Variants in PTPRT observed in about 807,000 individuals in gnomAD.
PTPRT encodes the protein receptor-type tyrosine-protein phosphatase T.
In PTPRT, 56 loss-of-function variants were observed where a neutral mutation model predicts 176.8. The observed-to-expected ratio is 0.32, with a 90% CI of 0.26 to 0.40. The LOEUF is 0.40. PTPRT is among the 10% of genes least tolerant of loss of function. PTPRT has a pLI of 1.00. For synonymous variants in PTPRT, 783 were observed against 739.0 expected (o/e 1.06, Z -0.96); for missense variants, 1,540 against 1,908.2 (o/e 0.81, Z 3.60).
At chr20:42,995,825 T>C (rs1365165069) in intron 1 of PTPRT, among the ~76,000 whole-genome samples, 1 of 152,050 alleles carries the variant, frequency 6.6e-6, no homozygotes, top group East Asian at 1.9e-4. Flanking sequence ...CTACCTCCTT[T>C]ATAATTTTTT....
intron 1 of PTPRT, among the ~76,000 whole-genome samples, chr20:43,123,644 T>C (rs999536878): frequency 1.3e-5 from 2 of 152,222 alleles, no homozygotes; most frequent in Non-Finnish European, 1.5e-5. Flanking sequence ...ACCAGCTGCA[T>C]TGCCTCTTCT....
At chr20:42,062,102 C>T in the PTPRT span, among the ~76,000 whole-genome samples, 1 of 152,112 alleles carries the variant, frequency 6.6e-6, no homozygotes, top group Admixed American at 6.5e-5. Context: ...GTACACTATC[C>T]AGCCCCCAGG....
intron 1 of PTPRT, among the ~76,000 whole-genome samples, chr20:43,073,424 A>G (rs2011208287): frequency 1.3e-5 from 2 of 151,868 alleles, no homozygotes; most frequent in African/African-American, 4.8e-5. Context: ...TTAGGGGGAA[A>G]TGAGTGGCAA....
intron 13 of PTPRT, among the ~76,000 whole-genome samples, chr20:42,273,321 T>A (rs926516666): frequency 1.3e-5 from 2 of 152,192 alleles, no homozygotes; most frequent in Non-Finnish European, 2.9e-5. Flanking sequence ...GTTCAAGCGA[T>A]TCTCCTGCCT....
intron 1 of PTPRT, among the ~76,000 whole-genome samples, chr20:43,160,442 A>G (rs550398941): frequency 6.6e-6 from 1 of 152,170 alleles, no homozygotes; most frequent in African/African-American, 2.4e-5. Context: ...AATAAGAATA[A>G]ATAAAATTAA....
chr20:42,042,733 C>T, the PTPRT span, among the ~76,000 whole-genome samples: 1 of 152,074 alleles, frequency 6.6e-6, no homozygotes, highest in Non-Finnish European at 1.5e-5. Context: ...ACTCACCAGC[C>T]TTATAGCCAG....
At chr20:42,405,976 C>T (rs903244417) in intron 9 of PTPRT, among the ~76,000 whole-genome samples, 1 of 152,058 alleles carries the variant, frequency 6.6e-6, no homozygotes, top group Non-Finnish European at 1.5e-5. Flanking sequence ...ATCTTAAATA[C>T]ACAGACCCTA....
At chr20:42,057,190 G>C in the PTPRT span, among the ~76,000 whole-genome samples, 3 of 152,220 alleles carry the variant, frequency 2.0e-5, no homozygotes, top group Non-Finnish European at 2.9e-5. Flanking sequence ...AGTGGGCTGA[G>C]TCTTGGAACA....
At chr20:42,702,598 C>T (rs1285741249) in intron 6 of PTPRT, among the ~76,000 whole-genome samples, 1 of 152,156 alleles carries the variant, frequency 6.6e-6, no homozygotes, top group Non-Finnish European at 1.5e-5. Flanking sequence ...TAAACAGTGG[C>T]CGTCCAGCAC....
intron 7 of PTPRT, among the ~76,000 whole-genome samples, chr20:42,505,557 C>A (rs560685849): frequency 7.2e-5 from 11 of 152,216 alleles, no homozygotes; most frequent in Admixed American, 2.6e-4. Context: ...CTGCCTTGGC[C>A]TCCCAAAGTG....
At chr20:42,359,721 C>T (rs1442401038) in intron 9 of PTPRT, among the ~76,000 whole-genome samples, 1 of 152,356 alleles carries the variant, frequency 6.6e-6, no homozygotes, top group East Asian at 1.9e-4. Context: ...GCCAGGCTTC[C>T]CTGCTTTCCA....
rs558426122 is a variant in PTPRT at position 42,537,098 on chromosome 20, C to A, written c.1154-64536G>T. On this transcript the variant is annotated intron_variant, in intron 7 of 30. Coordinates refer to ENST00000373187, the MANE Select transcript of PTPRT (RefSeq NM_007050.6). ...AGTAGAGACAAGTGGAAAAAAAAAA[C>A]CCTAAGTTTTAGAATATTATCAAAT... 9.3e-5 allele frequency among the ~76,000 whole-genome samples: 14 copies of A among 151,162 alleles called. No homozygotes were observed. The East Asian group carries it at 2.7e-3, about 29-fold the overall frequency.
chr20:42,662,356 G>T (rs918919247), intron 7 of PTPRT, among the ~76,000 whole-genome samples: 8 of 152,110 alleles, frequency 5.3e-5, no homozygotes, highest in Non-Finnish European at 1.2e-4. Context: ...TCTATGGTCA[G>T]CTGGGTCCAG....
chr20:42,790,494 C>T (rs1357520539), intron 3 of PTPRT, among the ~76,000 whole-genome samples: 1 of 152,074 alleles, frequency 6.6e-6, no homozygotes, highest in Non-Finnish European at 1.5e-5. Context: ...ATGAGCAGCA[C>T]TGCTTTAAAC....
At chr20:42,268,653 C>T (rs1229748912) in intron 13 of PTPRT, among the ~76,000 whole-genome samples, 1 of 152,226 alleles carries the variant, frequency 6.6e-6, no homozygotes, top group African/African-American at 2.4e-5. Flanking sequence ...AATATGACTG[C>T]ATGAAGCACA....
At chr20:42,677,836 A>C in intron 7 of PTPRT, 30 bp downstream of exon 7, 1 of 1,544,934 alleles carries the variant, frequency 6.5e-7, no homozygotes, top group African/African-American at 1.7e-5. Flanking sequence ...AGCCTCTCAT[A>C]ATGGAGCCTG....
At chr20:42,863,300 C>T (rs889523391) in intron 2 of PTPRT, among the ~76,000 whole-genome samples, 15 of 151,700 alleles carry the variant, frequency 9.9e-5, no homozygotes, top group Non-Finnish European at 1.9e-4. Context: ...CCACGAAGGA[C>T]ACCTATTTTC....
intron 7 of PTPRT, among the ~76,000 whole-genome samples, chr20:42,538,669 G>A (rs2072519455): frequency 6.6e-6 from 1 of 152,094 alleles, no homozygotes; most frequent in Non-Finnish European, 1.5e-5. Flanking sequence ...ACCTCCAAAG[G>A]GAATCCTGAT....
At chr20:42,128,524 G>A (rs1475235793) in intron 19 of PTPRT, among the ~76,000 whole-genome samples, 1 of 152,190 alleles carries the variant, frequency 6.6e-6, no homozygotes, top group African/African-American at 2.4e-5. Context: ...TGGGGTGAAT[G>A]AGTAAGACTA....
Sources: gnomAD v4.1 joint callset for allele counts (sites outside exome capture counted in the v4.1 genomes callset) on GRCh38, gnomAD v4.1.1 for gene constraint, MANE v1.5 for transcripts, NCBI Gene and HGNC (gene_info 2026-07-23, HGNC 2026-07-21) for gene names.